Variants in AGPAT3 observed in about 807,000 individuals in gnomAD.
AGPAT3 encodes 1-acylglycerol-3-phosphate O-acyltransferase 3, also known as 1-acyl-sn-glycerol-3-phosphate acyltransferase gamma.
In AGPAT3, 5 loss-of-function variants were observed where a neutral mutation model predicts 47.3. The ratio of observed to expected loss-of-function variants is 0.11; its 90% confidence interval spans 0.06 to 0.22. The LOEUF (loss-of-function observed/expected upper bound fraction) is 0.22. Ranked by LOEUF, AGPAT3 falls within the 10% of genes least tolerant of loss-of-function variation. AGPAT3 has a pLI of 1.00. For missense variants in AGPAT3, 315 were observed against 493.0 expected, an observed-to-expected ratio of 0.64 and a Z score of 3.42; for synonymous variants, 212 against 208.3, an observed-to-expected ratio of 1.02 and a Z score of -0.15.
chr21:43,970,857 A>C lies in AGPAT3; in HGVS notation c.664+51A>C. 1 of 1,423,062 alleles carries C rather than the reference A, an allele frequency of 7.0e-7. No individual in the cohort carries two copies. The highest frequency in any genetic ancestry group is 1.6e-5 in the South Asian group (1 of 63,926). 88.2% of individuals were successfully genotyped at this position (1,423,062 alleles called of 1,614,324 possible). A position where few individuals can be genotyped will look rare whatever the true frequency, so the allele number is the denominator to read the frequency against. ...GGCCACCGCTATGCTCACGGAAAAT[A>C]GTGATTTCTTTAAAAAAAAAAAAAA... is the stretch of plus-strand genomic sequence containing the variant. On this transcript the variant is annotated intron_variant, in intron 6 of 9. Transcript: ENST00000291572. This position sits in a 1 kb window ranked among gnomAD's most constrained non-coding sequence, Gnocchi z 5.8.
chr21:43,893,840 G>T (rs1230390985), intron 1 of AGPAT3, among the ~76,000 whole-genome samples: 2 of 152,118 alleles, frequency 1.3e-5, no homozygotes, highest in Non-Finnish European at 2.9e-5. Context: ...AAACAATTAT[G>T]GTAGGAACAT....
At chr21:43,980,191 G>A (rs1307149787) in intron 8 of AGPAT3, among the ~76,000 whole-genome samples, 6 of 149,022 alleles carry the variant, frequency 4.0e-5, no homozygotes, top group South Asian at 2.1e-4. Flanking sequence ...CAGGAGAATC[G>A]CTTAAACCCG....
chr21:43,982,164 C>A lies in AGPAT3; in HGVS notation c.1043-140C>A, dbSNP rs1395910128. The A allele has an allele frequency of 7.5e-6, 5 of 662,876 alleles. No homozygotes were observed. The highest frequency in any genetic ancestry group is 1.8e-5 in the South Asian group (1 of 56,998). 41.1% of individuals were successfully genotyped at this position (662,876 alleles called of 1,614,324 possible). A position where few individuals can be genotyped will look rare whatever the true frequency, so the allele number is the denominator to read the frequency against. On this transcript the variant is annotated intron_variant, in intron 9 of 9. Coordinates refer to ENST00000291572, the MANE Select transcript of AGPAT3 (RefSeq NM_020132.5). This position sits in a 1 kb window ranked among gnomAD's most constrained non-coding sequence, Gnocchi z 6.2. ...GCTGTCTCCCCGCGGGCCACACCTA[C>A]TCACTGACAGCAGAGGCCACTGGGT...
chr21:43,948,740 A>G (rs887317862), intron 2 of AGPAT3, among the ~76,000 whole-genome samples: 2 of 152,238 alleles, frequency 1.3e-5, no homozygotes, highest in African/African-American at 2.4e-5. Flanking sequence ...TTAATTTTGT[A>G]TTTTATTTAT....
intron 2 of AGPAT3, among the ~76,000 whole-genome samples, chr21:43,929,983 C>T (rs993542235): frequency 5.3e-5 from 8 of 152,208 alleles, no homozygotes; most frequent in African/African-American, 9.6e-5. Context: ...TCTGGAGCAC[C>T]GACAGCCCAG....
In AGPAT3 at chr21:43,904,314, C is replaced by T. The variant is rs552515612; in HGVS notation, c.-49+295C>T. 9.2e-5 allele frequency among the ~76,000 whole-genome samples: 14 copies of T among 152,294 alleles called. No homozygotes were observed. The East Asian group carries it at 2.7e-3, about 29-fold the overall frequency. ...CTCAAAGGGGCTGAGCTACAAATGA[C>T]GCTGGGCTGAGGCGCCTACCAGGGC... On this transcript the variant is annotated intron_variant, in intron 2 of 9. Coordinates refer to ENST00000291572, the MANE Select transcript of AGPAT3 (RefSeq NM_020132.5).
At chr21:43,889,266 A>T (rs1219375412) in intron 1 of AGPAT3, among the ~76,000 whole-genome samples, 1 of 150,322 alleles carries the variant, frequency 6.7e-6, no homozygotes, top group Non-Finnish European at 1.5e-5. Flanking sequence ...TTACACTGCT[A>T]AGTGAAGTGG....
intron 2 of AGPAT3, chr21:43,919,976 CG>C (rs1390336608): frequency 6.6e-6 from 1 of 152,184 alleles, no homozygotes; most frequent in Non-Finnish European, 1.5e-5. Context: ...GTTTTCAAAC[CG>C]GCTTTCCTCA....
chr21:43,913,825 G>T (rs1024903482), intron 2 of AGPAT3, among the ~76,000 whole-genome samples: 1 of 152,190 alleles, frequency 6.6e-6, no homozygotes, highest in African/African-American at 2.4e-5. Context: ...CAAAATGCCA[G>T]GAGTACCGAG....
At chr21:43,980,857 A>G (rs548725596) in intron 8 of AGPAT3, 132 bp from the exon 9 acceptor site, 71 of 848,792 alleles carry the variant, frequency 8.4e-5, no homozygotes, top group African/African-American at 7.1e-4. Context: ...AGCTTCTGTG[A>G]TTTGTGCTCT....
intron 1 of AGPAT3, among the ~76,000 whole-genome samples, chr21:43,888,143 C>T (rs987467942): frequency 6.6e-6 from 1 of 152,172 alleles, no homozygotes; most frequent in African/African-American, 2.4e-5. Flanking sequence ...CAGGCTCAAA[C>T]GATCCTTCCA....
chr21:43,897,540 A>C (rs75340156), intron 1 of AGPAT3, among the ~76,000 whole-genome samples: 8,820 of 141,222 alleles, frequency 0.062, 500 homozygotes, highest in African/African-American at 0.17. Flanking sequence ...CGCTCCTCAC[A>C]TCCCAGAGGG....
At chr21:43,959,885 G>C (rs1469352337) in intron 3 of AGPAT3, 26 bp downstream of exon 3, 1 of 1,580,634 alleles carries the variant, frequency 6.3e-7, no homozygotes. Context: ...GCCAGTCCCT[G>C]CCGCCTGGGG....
intron 2 of AGPAT3, among the ~76,000 whole-genome samples, chr21:43,937,849 A>G (rs2838442): frequency 0.027 from 4,136 of 152,230 alleles, 166 homozygotes; most frequent in African/African-American, 0.079. Context: ...ATCCCATGAA[A>G]CCAGATGACT....
intron 1 of AGPAT3, among the ~76,000 whole-genome samples, chr21:43,890,152 C>T (rs530481808): frequency 6.6e-6 from 1 of 152,132 alleles, no homozygotes; most frequent in Admixed American, 6.5e-5. Context: ...GGTGGGTTCT[C>T]ATAGTTTAAC....
At chr21:43,910,882 A>C (rs1321464597) in intron 2 of AGPAT3, among the ~76,000 whole-genome samples, 1 of 152,226 alleles carries the variant, frequency 6.6e-6, no homozygotes, top group Non-Finnish European at 1.5e-5. Context: ...GTTAAGGCGC[A>C]CAAGTTAATT....
chr21:43,951,669 A>G (rs760153008), intron 2 of AGPAT3, among the ~76,000 whole-genome samples: 60 of 152,310 alleles, frequency 3.9e-4, no homozygotes, highest in Non-Finnish European at 7.2e-4. Context: ...AGGCTGTGCC[A>G]TCTCCTCTGG....
intron 1 of AGPAT3, among the ~76,000 whole-genome samples, chr21:43,898,862 C>G (rs1051354026): frequency 4.6e-5 from 7 of 151,266 alleles, no homozygotes; most frequent in African/African-American, 1.7e-4. Context: ...TTGAATATCA[C>G]AAGACATTGC....
intron 2 of AGPAT3, among the ~76,000 whole-genome samples, chr21:43,931,521 C>T (rs960281646): frequency 2.0e-5 from 3 of 152,064 alleles, no homozygotes; most frequent in Admixed American, 6.5e-5. Context: ...TTTGTTTGGG[C>T]GATATGTTCA....
Sources: gnomAD v4.1 joint callset for allele counts (sites outside exome capture counted in the v4.1 genomes callset) on GRCh38, gnomAD v4.1.1 for gene constraint, Gnocchi (gnomAD v3.1) non-coding constraint, MANE v1.5 for transcripts, NCBI Gene and HGNC (gene_info 2026-07-23, HGNC 2026-07-21) for gene names.